Variants in CHD1L observed in about 807,000 individuals in gnomAD.
CHD1L encodes ATP-dependent chromatin remodeler CHD1L.
Under a neutral mutation model 115.9 loss-of-function variants are expected in CHD1L, and 118 were observed. That is an observed-to-expected ratio of 1.02 (90% CI 0.88 to 1.19). The LOEUF is 1.19. Among genes scored for constraint, CHD1L ranks in the 50% most tolerant of loss-of-function variants. The pLI is 0.00. For missense variants in CHD1L, 1,179 were observed against 1,065.3 expected (o/e 1.11, Z -1.49); for synonymous variants, 411 against 387.1 (o/e 1.06, Z -0.72).
At chr1:147,274,147 G>A (rs1677364530) in intron 12 of CHD1L, among the ~76,000 whole-genome samples, 1 of 152,130 alleles carries the variant, frequency 6.6e-6, no homozygotes. Context: ...CACCTTCTAG[G>A]CTTGCAACTT....
At chr1:147,226,589 A>G in the CHD1L span, among the ~76,000 whole-genome samples, 5 of 152,222 alleles carry the variant, frequency 3.3e-5, no homozygotes, top group African/African-American at 4.8e-5. Flanking sequence ...ACAAGGGCCC[A>G]TCCAGACAAG....
chr1:147,274,815 TTTCTC>T (rs1476091280), intron 12 of CHD1L, among the ~76,000 whole-genome samples: 9 of 152,160 alleles, frequency 5.9e-5, no homozygotes, highest in East Asian at 1.9e-4. Context: ...TCACTGGAGT[TTTCTC>T]TAATCAGAGG....
chr1:147,276,634 A>G (rs1553958149), intron 14 of CHD1L, among the ~76,000 whole-genome samples: 1 of 152,202 alleles, frequency 6.6e-6, no homozygotes, highest in African/African-American at 2.4e-5. Flanking sequence ...TCAGTGACTT[A>G]CATTACTTCA....
the CHD1L span, among the ~76,000 whole-genome samples, chr1:147,194,700 C>T: frequency 1.3e-5 from 2 of 151,932 alleles, no homozygotes; most frequent in Non-Finnish European, 1.5e-5. Context: ...TAGAGCAGGC[C>T]TGGTGGTCAC....
the CHD1L span, among the ~76,000 whole-genome samples, chr1:147,229,393 G>T: frequency 5.7e-4 from 86 of 152,148 alleles, 1 homozygote; most frequent in Admixed American, 3.3e-4. Context: ...CCAGTACCAT[G>T]CTGTTTTGGT....
At position 147,295,705 on chromosome 1, in the gene CHD1L, G is replaced by T; in HGVS notation, c.*196G>T. The T allele has an allele frequency of 7.6e-6, 4 of 525,462 alleles. No homozygotes were observed. Among genetic ancestry groups the T allele is most frequent in the South Asian group, 2.9e-5 (1 of 34,006 alleles). The allele number at this position is 525,462 out of a possible 1,614,324, so 32.5% of individuals were successfully genotyped here. On this transcript the variant is annotated 3_prime_UTR_variant, in exon 23 of 23. Transcript: ENST00000369258. ...AATATAGGGAAACACAACTTTTTTT[G>T]GGAAAGCCCTTTGACCCCAGCTTGC...
the CHD1L span, among the ~76,000 whole-genome samples, chr1:147,190,896 A>C: frequency 7.3e-5 from 11 of 151,330 alleles, no homozygotes; most frequent in Non-Finnish European, 1.3e-4. Context: ...ATCTGTTCTG[A>C]TTGTTCAATT....
At chr1:147,226,975 G>A in the CHD1L span, among the ~76,000 whole-genome samples, 1 of 151,798 alleles carries the variant, frequency 6.6e-6, no homozygotes, top group Non-Finnish European at 1.5e-5. Flanking sequence ...GACTACAGCT[G>A]TGTGCCACCA....
intron 6 of CHD1L, chr1:147,260,581 A>G (rs1247759590): frequency 6.6e-6 from 1 of 152,164 alleles, no homozygotes; most frequent in Non-Finnish European, 1.5e-5. Flanking sequence ...CAAAGGAACA[A>G]TTTCTCTTAA....
At chr1:147,179,390 A>C in the CHD1L span, 9 of 1,599,132 alleles carry the variant, frequency 5.6e-6, no homozygotes, top group Non-Finnish European at 7.7e-6. Context: ...CTCAGCAAAG[A>C]CCTGAATATC....
the CHD1L span, chr1:147,178,922 A>G: frequency 2.5e-6 from 4 of 1,593,496 alleles, no homozygotes; most frequent in Non-Finnish European, 3.4e-6. Context: ...GTGGACTATG[A>G]AAAGAATGCT....
At position 147,286,605 on chromosome 1, in the gene CHD1L, T is replaced by C. The variant is rs587609786; in HGVS notation, c.2221+105T>C. The C allele has an allele frequency of 5.2e-6, 5 of 967,834 alleles. No homozygotes were observed. In the East Asian group the frequency reaches 7.3e-5, roughly 14 times the overall value. The allele number at this position is 967,834 out of a possible 1,614,324, so 60.0% of individuals were successfully genotyped here. A position where few individuals can be genotyped will look rare whatever the true frequency, so the allele number is the denominator to read the frequency against. On this transcript the variant is annotated intron_variant, in intron 18 of 22. Transcript: ENST00000369258. The stretch of plus-strand genomic sequence containing the variant: ...CTGGGGTGGTGGTCCCAGTGTAGTA[T>C]TGTACAGTCAAAAAAGTGTGAATTT...
At chr1:147,224,106 A>C in the CHD1L span, 1 of 357,956 alleles carries the variant, frequency 2.8e-6, no homozygotes. Flanking sequence ...TGCATTATCA[A>C]GGGTGAGGTA....
At chr1:147,223,866 A>G in the CHD1L span, 1 of 342,140 alleles carries the variant, frequency 2.9e-6, no homozygotes, top group Non-Finnish European at 5.6e-6. Flanking sequence ...CACAGACCAG[A>G]GACAAAACAA....
the CHD1L span, chr1:147,204,984 A>G: frequency 1.3e-4 from 135 of 1,077,914 alleles, 1 homozygote; most frequent in Admixed American, 1.8e-5. Context: ...CCGCGGAGGA[A>G]CCAAAGGTTT....
rs6703892 is a variant in CHD1L at position 147,287,627 on chromosome 1, T to C, written c.2222-8T>C. The C allele has an allele frequency of 0.22, 361,433 of 1,610,092 alleles. 43,202 individuals carry two copies. The highest frequency in any genetic ancestry group is 0.25 in the South Asian group (22,823 of 90,538). On this transcript the variant is annotated splice_polypyrimidine_tract_variant and splice_region_variant and intron_variant, in intron 18 of 22. Transcript: ENST00000369258. ...CTATAGATGAAAATTTTCTCTTTCT[T>C]CAAACAGATGACTCTGGCCACTGGG...
At position 147,266,082 on chromosome 1, in the gene CHD1L, A is replaced by G. The variant is rs782098154; in HGVS notation, c.890A>G (p.Asp297Gly). The change falls in exon 8 of 23, where the codon GAC becomes GGC. Residue 297 changes from aspartate to glycine, a missense_variant. By Grantham distance (94) the Asp-to-Gly change is moderately conservative. Coordinates refer to ENST00000369258, the MANE Select transcript of CHD1L (RefSeq NM_004284.6). ...KKYYKAILMK[D>G]LDAFENETAK... ...TACTACAAGGCCATTTTGATGAAAG[A>G]CCTAGGTAATCAGAGGGCACTTGTC... The G allele has an allele frequency of 1.9e-6, 3 of 1,609,038 alleles. No homozygotes were observed. The highest frequency in any genetic ancestry group is 2.5e-6 in the Non-Finnish European group (3 of 1,178,232).
intron 6 of CHD1L, among the ~76,000 whole-genome samples, chr1:147,262,195 C>CAAAA (rs11346769): frequency 3.2e-5 from 4 of 126,080 alleles, no homozygotes; most frequent in Admixed American, 8.3e-5. Context: ...GACTCTGTCT[C>CAAAA]AAAAAAAAAA....
At chr1:147,201,098 C>T in the CHD1L span, 1 of 1,283,882 alleles carries the variant, frequency 7.8e-7, no homozygotes, top group Non-Finnish European at 1.1e-6. Context: ...AGTACCTAAA[C>T]AGAGGTAAAC....
Sources: gnomAD v4.1 joint callset for allele counts (sites outside exome capture counted in the v4.1 genomes callset) on GRCh38, gnomAD v4.1.1 for gene constraint, MANE v1.5 for transcripts, NCBI Gene and HGNC (gene_info 2026-07-23, HGNC 2026-07-21) for gene names.